The following RAB38 variants were observed in gnomAD, a reference collection of about 807,000 sequenced individuals.
The protein encoded by RAB38 is ras-related protein Rab-38.
In RAB38, 15 loss-of-function variants were observed where a neutral mutation model predicts 18.4. That is an observed-to-expected ratio of 0.82 (90% CI 0.55 to 1.26). The LOEUF (loss-of-function observed/expected upper bound fraction) is 1.26, where lower values mean the gene tolerates loss of function less well. Among genes scored for constraint, RAB38 ranks in the 50% most tolerant of loss-of-function variants. The pLI is 0.00. For missense variants in RAB38, 294 were observed against 267.4 expected, an observed-to-expected ratio of 1.10 and a Z score of -0.69; for synonymous variants, 101 against 104.4, an observed-to-expected ratio of 0.97 and a Z score of 0.20.
chr11:87,840,658 G>T, the RAB38 span, among the ~76,000 whole-genome samples: 6 of 152,144 alleles, frequency 3.9e-5, no homozygotes, highest in African/African-American at 1.4e-4. Context: ...ACTGAACTTT[G>T]TAAGAGTTCC....
At chr11:87,916,593 G>C in the RAB38 span, among the ~76,000 whole-genome samples, 1 of 152,068 alleles carries the variant, frequency 6.6e-6, no homozygotes, top group Non-Finnish European at 1.5e-5. Context: ...CCAGCCTGCA[G>C]AATTGTGATC....
chr11:88,117,384 A>ATTT (rs1942568756), intron 2 of RAB38, among the ~76,000 whole-genome samples: 1 of 152,166 alleles, frequency 6.6e-6, no homozygotes, highest in East Asian at 1.9e-4. Flanking sequence ...TTTGTCAAGT[A>ATTT]GAGCCATTGA....
chr11:87,832,751 A>T, the RAB38 span, among the ~76,000 whole-genome samples: 58 of 151,274 alleles, frequency 3.8e-4, no homozygotes, highest in South Asian at 0.012. Flanking sequence ...AGAACTCCTG[A>T]CTAGATTGGA....
chr11:88,088,718 G>A, the RAB38 span, among the ~76,000 whole-genome samples: 2 of 151,612 alleles, frequency 1.3e-5, no homozygotes, highest in East Asian at 3.9e-4. Flanking sequence ...AAACATTCTA[G>A]GCCAGATGAG....
chr11:88,026,359 C>T, the RAB38 span, among the ~76,000 whole-genome samples: 43 of 151,286 alleles, frequency 2.8e-4, no homozygotes, highest in South Asian at 1.0e-3. Context: ...GTCAGGAGAT[C>T]GAGACCATCC....
chr11:87,861,769 C>A, the RAB38 span, among the ~76,000 whole-genome samples: 1 of 151,838 alleles, frequency 6.6e-6, no homozygotes, highest in South Asian at 2.1e-4. Context: ...CATTAGACAC[C>A]CAACTTACAT....
intron 1 of RAB38, among the ~76,000 whole-genome samples, chr11:88,156,639 T>C (rs1190091860): frequency 1.3e-5 from 2 of 151,828 alleles, no homozygotes; most frequent in Non-Finnish European, 2.9e-5. Context: ...GAGGTGGAGG[T>C]TGCAGTGAGC....
At chr11:88,129,902 T>C (rs1010093452) in intron 2 of RAB38, among the ~76,000 whole-genome samples, 8 of 152,040 alleles carry the variant, frequency 5.3e-5, no homozygotes, top group Admixed American at 2.0e-4. Flanking sequence ...AAAATGCATA[T>C]GCAATTCTAA....
chr11:87,875,177 G>A, the RAB38 span, among the ~76,000 whole-genome samples: 1 of 151,298 alleles, frequency 6.6e-6, no homozygotes, highest in African/African-American at 2.4e-5. Flanking sequence ...AAATGTCTTA[G>A]AATAAAAAAT....
chr11:87,911,749 T>C, the RAB38 span, among the ~76,000 whole-genome samples: 1 of 152,014 alleles, frequency 6.6e-6, no homozygotes, highest in Non-Finnish European at 1.5e-5. Flanking sequence ...ATCATAATTA[T>C]AGTAGTTAGT....
At chr11:87,887,608 G>A in the RAB38 span, among the ~76,000 whole-genome samples, 1 of 151,870 alleles carries the variant, frequency 6.6e-6, no homozygotes, top group East Asian at 2.0e-4. Flanking sequence ...ATAGCTACTT[G>A]ACAAAATTGT....
At chr11:87,916,530 T>C in the RAB38 span, among the ~76,000 whole-genome samples, 1 of 152,124 alleles carries the variant, frequency 6.6e-6, no homozygotes, top group Non-Finnish European at 1.5e-5. Context: ...CTGCCATGGC[T>C]TGACCCAGCA....
chr11:88,037,431 T>C, the RAB38 span, among the ~76,000 whole-genome samples: 1 of 152,132 alleles, frequency 6.6e-6, no homozygotes, highest in Admixed American at 6.5e-5. Flanking sequence ...TATATTTTAT[T>C]AATTTATAAT....
the RAB38 span, among the ~76,000 whole-genome samples, chr11:88,027,373 A>G: frequency 5.3e-5 from 8 of 152,132 alleles, no homozygotes; most frequent in African/African-American, 1.7e-4. Flanking sequence ...CAGTGGGCGC[A>G]GGTCAGTGGG....
chr11:87,873,949 T>TATATATATATATAC, the RAB38 span, among the ~76,000 whole-genome samples: 32 of 138,066 alleles, frequency 2.3e-4, no homozygotes, highest in Admixed American at 1.1e-3. Flanking sequence ...TATATATATA[T>TATATATATATATAC]ACTCTGCATA....
At chr11:87,929,931 A>G in the RAB38 span, among the ~76,000 whole-genome samples, 1 of 152,088 alleles carries the variant, frequency 6.6e-6, no homozygotes, top group Non-Finnish European at 1.5e-5. Context: ...TCCATGGTGT[A>G]TATATGCCAC....
chr11:88,168,710 G>A (rs1300858922), intron 1 of RAB38, among the ~76,000 whole-genome samples: 1 of 152,010 alleles, frequency 6.6e-6, no homozygotes, highest in Non-Finnish European at 1.5e-5. Context: ...AAAAAATTAA[G>A]TAGCACTTGA....
At chr11:88,123,751 A>G (rs569366462) in intron 2 of RAB38, among the ~76,000 whole-genome samples, 2 of 152,324 alleles carry the variant, frequency 1.3e-5, no homozygotes, top group African/African-American at 2.4e-5. Context: ...TAAGGCAGAG[A>G]TAATACCCAT....
chr11:87,961,906 A>T, the RAB38 span, among the ~76,000 whole-genome samples: 1 of 152,152 alleles, frequency 6.6e-6, no homozygotes, highest in African/African-American at 2.4e-5. Flanking sequence ...ATATGTGCAA[A>T]ATGAGACACT....
Sources: gnomAD v4.1 joint callset for allele counts (sites outside exome capture counted in the v4.1 genomes callset) on GRCh38, gnomAD v4.1.1 for gene constraint, MANE v1.5 for transcripts, NCBI Gene and HGNC (gene_info 2026-07-23, HGNC 2026-07-21) for gene names.